C5orf22: variants seen among roughly 807,000 people sequenced by gnomAD.
C5orf22 encodes chromosome 5 open reading frame 22.
C5orf22 carries 36 observed loss-of-function variants against 48.7 expected under a neutral mutation model. The ratio of observed to expected loss-of-function variants is 0.74; its 90% CI spans 0.57 to 0.98. C5orf22 has a LOEUF of 0.98. Ranked by LOEUF, C5orf22 falls within the 50% of genes least tolerant of loss-of-function variation. The pLI, the probability that C5orf22 is intolerant of heterozygous loss-of-function variation, is 0.00. For missense variants in C5orf22, 486 were observed against 521.9 expected (o/e 0.93, Z 0.67); for synonymous variants, 141 against 180.8 (o/e 0.78, Z 1.76).
chr5:31,545,842 A>G, intron 7 of C5orf22, 130 bp downstream of exon 7: 1 of 583,288 alleles, frequency 1.7e-6, no homozygotes. Context: ...AATTATTAAG[A>G]AAAGAAATGA....
At chr5:31,547,132 G>C (rs1287972598) in intron 7 of C5orf22, among the ~76,000 whole-genome samples, 1 of 152,192 alleles carries the variant, frequency 6.6e-6, no homozygotes, top group Non-Finnish European at 1.5e-5. Flanking sequence ...GCCCAAAGGG[G>C]CAGTGCAAGT....
At chr5:31,550,535 T>C (rs1743186886) in intron 7 of C5orf22, among the ~76,000 whole-genome samples, 1 of 152,152 alleles carries the variant, frequency 6.6e-6, no homozygotes, top group Non-Finnish European at 1.5e-5. Flanking sequence ...AGTAAAATAA[T>C]GTGTTAAAAA....
chr5:31,538,037 C>T, intron 3 of C5orf22: 1 of 449,544 alleles, frequency 2.2e-6, no homozygotes. Flanking sequence ...ATGGCCACAC[C>T]AGGCTGCAAG....
chr5:31,538,561 CA>C lies in C5orf22; in HGVS notation c.680del (p.Gln227ArgfsTer16). On this transcript the variant is annotated frameshift_variant, in exon 4 of 9. Coordinates refer to ENST00000325366, the MANE Select transcript of C5orf22 (RefSeq NM_018356.3). LOFTEE classifies it high-confidence loss of function. ...EPSCSCSSEN[Q>X]ECQTAASTGE... is the part of the protein sequence containing the mutation. ...ATCATGTTCATGTTCTTCTGAAAATCAGGAATGCCAGACTGCTGCCAGCACT... is the reference window on the plus strand; with the variant it reads ...ATCATGTTCATGTTCTTCTGAAAATCGGAATGCCAGACTGCTGCCAGCACT... 1.2e-6 allele frequency: 2 copies of C among 1,614,070 alleles called. No homozygotes were observed. Among genetic ancestry groups the C allele is most frequent in the Non-Finnish European group, 1.7e-6 (2 of 1,179,966 alleles).
At chr5:31,546,343 C>G (rs1233925111) in intron 7 of C5orf22, among the ~76,000 whole-genome samples, 2 of 152,200 alleles carry the variant, frequency 1.3e-5, no homozygotes, top group African/African-American at 4.8e-5. Context: ...GATGCCAGGG[C>G]TAAGACTTCC....
At chr5:31,544,326 GT>G (rs1315403671) in intron 6 of C5orf22, among the ~76,000 whole-genome samples, 1 of 152,226 alleles carries the variant, frequency 6.6e-6, no homozygotes, top group Non-Finnish European at 1.5e-5. Context: ...GCTCACGCCT[GT>G]AATCCCAGCA....
chr5:31,549,468 T>TA (rs1234967741), intron 7 of C5orf22, among the ~76,000 whole-genome samples: 3 of 100,320 alleles, frequency 3.0e-5, no homozygotes, highest in African/African-American at 1.2e-4. Context: ...TTGTTTAACT[T>TA]TTTTTTTTTT....
chr5:31,551,354 A>G lies in C5orf22; in HGVS notation c.1121A>G (p.Gln374Arg). ...SELPHHISTE[Q>R]EIECLIQSVH... ...CTTCCTCACCATATCAGCACAGAAC[A>G]AGAAATAGAGTGTCTTATTCAATCT... Residue 374 changes from glutamine (Q) to arginine (R), a missense_variant, in exon 8 of 9, where the codon CAA (glutamine) becomes CGA (arginine). This residue lies in a region of C5orf22 where 408 missense variants were observed against 444.0 expected (regional missense o/e 0.92). Transcript: ENST00000325366. 1 of 1,613,788 alleles carries G rather than the reference A, an allele frequency of 6.2e-7. No homozygotes were observed. Among genetic ancestry groups the G allele is most frequent in the Non-Finnish European group, 8.5e-7 (1 of 1,179,878 alleles).
chr5:31,546,883 G>A (rs376827225), intron 7 of C5orf22, among the ~76,000 whole-genome samples: 2 of 152,178 alleles, frequency 1.3e-5, no homozygotes, highest in East Asian at 3.9e-4. Context: ...TCCATCCTTA[G>A]CCCCTCCCAA....
intron 4 of C5orf22, among the ~76,000 whole-genome samples, chr5:31,539,333 G>A (rs111831777): frequency 0.013 from 2,037 of 152,188 alleles, 24 homozygotes; most frequent in Admixed American, 0.02. Flanking sequence ...AATCCCCCAC[G>A]GATACCAAGG....
Position 31,538,339 on chromosome 5 carries a change from C to T in C5orf22, c.457C>T (p.Gln153Ter). 6.2e-7 allele frequency: 1 copy of T among 1,613,994 alleles called. No individual in the cohort carries two copies. The highest frequency in any genetic ancestry group is 1.3e-5 in the African/African-American group (1 of 75,014). Residue 153 changes from glutamine to a stop codon, truncating the protein, a stop_gained, in exon 4 of 9, where the codon CAA becomes TAA. Coordinates refer to ENST00000325366, the MANE Select transcript of C5orf22 (RefSeq NM_018356.3). LOFTEE classifies it high-confidence loss of function. ...EDQLENQKPL[Q>*]LDVIMVKPYK... The stretch of plus-strand genomic sequence containing the variant: ...CCAGCTAGAGAACCAAAAACCTTTA[C>T]AATTGGATGTAATTATGGTAAAACC...
chr5:31,534,150 T>C (rs1289362602), intron 1 of C5orf22, 122 bp from the exon 2 acceptor site: 1 of 871,582 alleles, frequency 1.1e-6, no homozygotes, highest in Non-Finnish European at 1.8e-6. Flanking sequence ...GTTTTTCCAC[T>C]TTACAGCAAC....
chr5:31,552,117 G>A (rs1406598683), intron 8 of C5orf22, among the ~76,000 whole-genome samples: 1 of 152,114 alleles, frequency 6.6e-6, no homozygotes, highest in African/African-American at 2.4e-5. Context: ...AGTTGTAACT[G>A]GCAGCAGCAT....
Position 31,554,456 on chromosome 5 carries a change from A to G in C5orf22, c.*1554A>G. ...CCCAAGTCTGATAGCATGAATGCTT[A>G]TTTGTGCTGTGAAAAGCAGAGCAGC... On this transcript the variant is annotated 3_prime_UTR_variant, in exon 9 of 9. Transcript: ENST00000325366. 1 of 152,158 alleles carries G rather than the reference A, an allele frequency of 6.6e-6. No homozygotes were observed. 9.4% of individuals were successfully genotyped at this position (152,158 alleles called of 1,614,324 possible).
chr5:31,533,885 G>A (rs1023355469), intron 1 of C5orf22, among the ~76,000 whole-genome samples: 11 of 152,070 alleles, frequency 7.2e-5, no homozygotes, highest in Admixed American at 2.0e-4. Flanking sequence ...CTGGGCAACT[G>A]ACAAGCCCCT....
At chr5:31,552,650 T>C (rs1249893493) in intron 8 of C5orf22, 123 bp from the exon 9 acceptor site, 9 of 775,204 alleles carry the variant, frequency 1.2e-5, no homozygotes. Context: ...TCAATTGATA[T>C]TAATCCAAAG....
At chr5:31,545,553 T>C in intron 6 of C5orf22, 93 bp from the exon 7 acceptor site, 1 of 837,958 alleles carries the variant, frequency 1.2e-6, no homozygotes, top group South Asian at 1.5e-5. Context: ...AAGCATGTTA[T>C]TATGGTAAAT....
chr5:31,535,389 G>A (rs566909778), intron 2 of C5orf22, among the ~76,000 whole-genome samples: 3 of 152,118 alleles, frequency 2.0e-5, no homozygotes, highest in Non-Finnish European at 2.9e-5. Flanking sequence ...ATAAAATCAA[G>A]ATGTTCTCGA....
intron 3 of C5orf22, 108 bp from the exon 4 acceptor site, chr5:31,538,152 C>T: frequency 2.6e-6 from 2 of 772,560 alleles, no homozygotes; most frequent in Admixed American, 4.6e-5. Context: ...CTAGAGACTG[C>T]TCTCAGTTTT....
Sources: allele counts gnomAD v4.1 joint callset (sites outside exome capture counted in the v4.1 genomes callset), GRCh38; gene constraint gnomAD v4.1.1; regional missense constraint gnomAD v4.1.1; transcripts MANE v1.5; gene names NCBI Gene and HGNC (gene_info 2026-07-23, HGNC 2026-07-21).